Variants in KHDRBS2 observed in about 807,000 individuals in gnomAD.
KHDRBS2 encodes the protein KH RNA binding domain containing, signal transduction associated 2.
Under a neutral mutation model 44.3 loss-of-function variants are expected in KHDRBS2, and 26 were observed. The ratio of observed to expected loss-of-function variants is 0.59; its 90% CI spans 0.43 to 0.81. The LOEUF (loss-of-function observed/expected upper bound fraction) is 0.81. Ranked by LOEUF, KHDRBS2 falls within the 40% of genes least tolerant of loss-of-function variation. The pLI is 0.00. For missense variants in KHDRBS2, 476 were observed against 433.1 expected (o/e 1.10, Z -0.88); for synonymous variants, 194 against 151.1 (o/e 1.28, Z -2.08).
Position 61,940,905 on chromosome 6 carries a change from G to C in KHDRBS2, c.483+37161C>G, listed in dbSNP as rs1296236411. 2.0e-5 allele frequency among the ~76,000 whole-genome samples: 3 copies of C among 152,264 alleles called. No individual in the cohort carries two copies. In the South Asian group the frequency reaches 6.2e-4, roughly 32 times the overall value. On this transcript the variant is annotated intron_variant, in intron 4 of 8. Coordinates refer to ENST00000281156, the MANE Select transcript of KHDRBS2 (RefSeq NM_152688.4). ...CTGCCAGGGCTGAGTCGTGAGTATG[G>C]GGCATCTCCTCACCTGCTGGCCTAG...
the KHDRBS2 span, among the ~76,000 whole-genome samples, chr6:61,554,481 A>C: frequency 1.3e-5 from 2 of 152,140 alleles, no homozygotes; most frequent in African/African-American, 4.8e-5. Context: ...TACACCTTTC[A>C]ATTTTAAGGG....
intron 6 of KHDRBS2, among the ~76,000 whole-genome samples, chr6:61,841,194 CTTCTT>C (rs980898871): frequency 1.1e-4 from 16 of 152,064 alleles, no homozygotes; most frequent in African/African-American, 3.4e-4. Flanking sequence ...TCAACTTACT[CTTCTT>C]TACTGCTACT....
the KHDRBS2 span, among the ~76,000 whole-genome samples, chr6:61,622,926 C>G: frequency 2.6e-5 from 4 of 151,874 alleles, no homozygotes; most frequent in Admixed American, 1.3e-4. Flanking sequence ...ATAATGGGAC[C>G]TAAAGAAAGA....
chr6:61,686,767 A>G (rs1052620733), intron 8 of KHDRBS2, among the ~76,000 whole-genome samples: 2 of 151,466 alleles, frequency 1.3e-5, no homozygotes, highest in African/African-American at 4.8e-5. Flanking sequence ...CTATCTATTC[A>G]CCAACCCTTT....
At chr6:62,168,434 T>C (rs548022190) in intron 2 of KHDRBS2, among the ~76,000 whole-genome samples, 1 of 152,220 alleles carries the variant, frequency 6.6e-6, no homozygotes, top group East Asian at 1.9e-4. Context: ...AAGCAACAAG[T>C]AGATACCCTC....
At chr6:62,130,144 A>C (rs1253721309) in intron 2 of KHDRBS2, among the ~76,000 whole-genome samples, 2 of 152,222 alleles carry the variant, frequency 1.3e-5, no homozygotes, top group South Asian at 2.1e-4. Flanking sequence ...AAGCAGGTGA[A>C]ATCATTCATT....
intron 7 of KHDRBS2, among the ~76,000 whole-genome samples, chr6:61,709,432 T>C (rs1770133647): frequency 6.6e-6 from 1 of 151,594 alleles, no homozygotes; most frequent in South Asian, 2.1e-4. Flanking sequence ...AAAAAATGGG[T>C]ATTTTGCCTC....
chr6:61,882,250 A>T (rs1800307757), intron 6 of KHDRBS2, among the ~76,000 whole-genome samples: 1 of 152,006 alleles, frequency 6.6e-6, no homozygotes, highest in African/African-American at 2.4e-5. Flanking sequence ...CAGCAACCTG[A>T]ACCTTCTATC....
At chr6:62,133,161 T>G (rs1222431106) in intron 2 of KHDRBS2, among the ~76,000 whole-genome samples, 2 of 152,048 alleles carry the variant, frequency 1.3e-5, no homozygotes, top group Non-Finnish European at 1.5e-5. Flanking sequence ...ATTTCTAGAT[T>G]TTTAGTGGGA....
At chr6:61,902,924 G>T (rs184340072) in intron 4 of KHDRBS2, among the ~76,000 whole-genome samples, 129 of 152,104 alleles carry the variant, frequency 8.5e-4, no homozygotes, top group African/African-American at 3.1e-3. Flanking sequence ...TTGATTACAA[G>T]CAAAAAGCCC....
At chr6:62,277,193 A>G (rs1241398691) in intron 1 of KHDRBS2, among the ~76,000 whole-genome samples, 2 of 152,064 alleles carry the variant, frequency 1.3e-5, no homozygotes, top group Non-Finnish European at 2.9e-5. Context: ...ATACTTATTT[A>G]TATCATATAT....
At chr6:61,890,195 T>C (rs1200409476) in intron 6 of KHDRBS2, among the ~76,000 whole-genome samples, 2 of 152,158 alleles carry the variant, frequency 1.3e-5, no homozygotes, top group Non-Finnish European at 2.9e-5. Flanking sequence ...ACACCTAAAA[T>C]AAGATGGAGG....
chr6:61,570,807 A>G, the KHDRBS2 span, among the ~76,000 whole-genome samples: 1 of 152,166 alleles, frequency 6.6e-6, no homozygotes, highest in Non-Finnish European at 1.5e-5. Flanking sequence ...AGACTTTTGT[A>G]TCCAGAAAAA....
At chr6:61,859,752 T>A (rs1796652608) in intron 6 of KHDRBS2, among the ~76,000 whole-genome samples, 1 of 152,018 alleles carries the variant, frequency 6.6e-6, no homozygotes, top group South Asian at 2.1e-4. Flanking sequence ...ACAGAAGTGA[T>A]ATATGTATAT....
chr6:61,890,882 G>A (rs1233423186), intron 6 of KHDRBS2, among the ~76,000 whole-genome samples: 1 of 152,162 alleles, frequency 6.6e-6, no homozygotes, highest in Non-Finnish European at 1.5e-5. Context: ...AATATTGATA[G>A]TTGATGTAGT....
chr6:61,723,804 T>C (rs183509171), intron 7 of KHDRBS2, among the ~76,000 whole-genome samples: 71 of 152,252 alleles, frequency 4.7e-4, no homozygotes, highest in Admixed American at 9.2e-4. Flanking sequence ...ACAATACCTC[T>C]GATTAATATG....
intron 6 of KHDRBS2, among the ~76,000 whole-genome samples, chr6:61,848,494 T>TATACAC (rs1794798923): frequency 4.0e-5 from 2 of 50,578 alleles, no homozygotes; most frequent in African/African-American, 1.1e-4. Context: ...TATATATGTA[T>TATACAC]ATATATATAT....
At chr6:61,625,994 AT>A in the KHDRBS2 span, among the ~76,000 whole-genome samples, 1 of 152,226 alleles carries the variant, frequency 6.6e-6, no homozygotes, top group Non-Finnish European at 1.5e-5. Context: ...GCATTTATTA[AT>A]TTGAAATAAC....
chr6:62,105,892 C>T (rs1396389225), intron 2 of KHDRBS2, among the ~76,000 whole-genome samples: 2 of 152,108 alleles, frequency 1.3e-5, no homozygotes, highest in African/African-American at 4.8e-5. Flanking sequence ...TTGGATCTTT[C>T]CTGCTTTCTC....
Sources: allele counts gnomAD v4.1 joint callset (sites outside exome capture counted in the v4.1 genomes callset), GRCh38; gene constraint gnomAD v4.1.1; transcripts MANE v1.5; gene names NCBI Gene and HGNC (gene_info 2026-07-23, HGNC 2026-07-21).